Variants in SEL1L3 observed in about 807,000 individuals in gnomAD.
The protein encoded by SEL1L3 is protein sel-1 homolog 3.
SEL1L3 carries 76 observed loss-of-function variants against 142.8 expected under a neutral mutation model. The ratio of observed to expected loss-of-function variants is 0.53; its 90% CI spans 0.44 to 0.64. The LOEUF (loss-of-function observed/expected upper bound fraction) is 0.64. SEL1L3 is among the 30% of genes least tolerant of loss of function. The pLI is 0.00. For synonymous variants in SEL1L3, 504 were observed against 519.6 expected, an observed-to-expected ratio of 0.97 and a Z score of 0.41; for missense variants, 1,262 against 1,381.7, an observed-to-expected ratio of 0.91 and a Z score of 1.37.
intron 6 of SEL1L3, among the ~76,000 whole-genome samples, chr4:25,823,793 A>G (rs3796797): frequency 0.27 from 41,040 of 152,002 alleles, 6,539 homozygotes; most frequent in Admixed American, 0.35. Flanking sequence ...AAAGGGCCGG[A>G]GTGACGATGG....
chr4:25,722,565 C>T, the SEL1L3 span, among the ~76,000 whole-genome samples: 1 of 150,856 alleles, frequency 6.6e-6, no homozygotes, highest in Non-Finnish European at 1.5e-5. Flanking sequence ...TAAGGTAAGA[C>T]TTTTACTGAC....
the SEL1L3 span, among the ~76,000 whole-genome samples, chr4:25,721,338 G>A: frequency 4.6e-5 from 7 of 151,990 alleles, no homozygotes; most frequent in African/African-American, 1.7e-4. Flanking sequence ...CTGAAATAAT[G>A]AAGAGCTGTC....
In SEL1L3 at chr4:25,763,073, G is replaced by A. The variant is rs564243595; in HGVS notation, c.2955+2253C>T. The stretch of plus-strand genomic sequence containing the variant: ...CAAGGGAACATGAAGACATAAAGGA[G>A]TAAAACCCCTGCCATAGAATTGTCA... On this transcript the variant is annotated intron_variant, in intron 20 of 23. Transcript: ENST00000399878. 2.0e-5 allele frequency among the ~76,000 whole-genome samples: 3 copies of A among 151,498 alleles called. No individual in the cohort carries two copies. In the South Asian group the frequency reaches 6.2e-4, roughly 32 times the overall value.
chr4:25,818,380 T>C, intron 8 of SEL1L3, 102 bp from the exon 9 acceptor site: 1 of 1,043,918 alleles, frequency 9.6e-7, no homozygotes. Flanking sequence ...AGACTTGCCA[T>C]TACTGGATGT....
At chr4:25,825,419 G>A (rs1167375583) in intron 6 of SEL1L3, among the ~76,000 whole-genome samples, 1 of 152,138 alleles carries the variant, frequency 6.6e-6, no homozygotes, top group African/African-American at 2.4e-5. Flanking sequence ...GAAAACCCGA[G>A]ACATGCTGGC....
At chr4:25,800,330 T>C (rs1713089249) in intron 11 of SEL1L3, among the ~76,000 whole-genome samples, 1 of 152,228 alleles carries the variant, frequency 6.6e-6, no homozygotes, top group South Asian at 2.1e-4. Context: ...CTTAAGAAAA[T>C]GAGCTATGAC....
chr4:25,811,141 T>G (rs1713993261), intron 9 of SEL1L3, among the ~76,000 whole-genome samples: 2 of 152,064 alleles, frequency 1.3e-5, no homozygotes, highest in South Asian at 4.2e-4. Flanking sequence ...GGGTCCTGAA[T>G]TGGGTTTACA....
chr4:25,819,066 G>A (rs1357341843), intron 8 of SEL1L3, among the ~76,000 whole-genome samples: 1 of 152,172 alleles, frequency 6.6e-6, no homozygotes, highest in African/African-American at 2.4e-5. Context: ...AGGTCCCACA[G>A]GAATTTCTCT....
rs140317798 is a variant in SEL1L3 at position 25,753,176 on chromosome 4, A to G, written c.3259+4358T>C. On this transcript the variant is annotated intron_variant, in intron 23 of 23. Coordinates refer to ENST00000399878, the MANE Select transcript of SEL1L3 (RefSeq NM_015187.5). Reference sequence around the variant, plus strand: ...AGGACAATTTAATGTGGCAAATGCCATGATGTGTCAACTATATATCACAGA... The same window carrying G: ...AGGACAATTTAATGTGGCAAATGCCGTGATGTGTCAACTATATATCACAGA... 8.9e-4 allele frequency among the ~76,000 whole-genome samples: 135 copies of G among 152,370 alleles called. 1 individual carries two copies. Among genetic ancestry groups the G allele is most frequent in the African/African-American group, 2.7e-3 (112 of 41,588 alleles).
At chr4:25,745,436 A>C (rs550635192), downstream of SEL1L3, among the ~76,000 whole-genome samples, 1 of 151,624 alleles carries the variant, frequency 6.6e-6, no homozygotes, top group South Asian at 2.1e-4. Context: ...AATTGAGCAG[A>C]GTGAGAAGCT....
chr4:25,727,372 G>A, the SEL1L3 span, among the ~76,000 whole-genome samples: 1 of 151,886 alleles, frequency 6.6e-6, no homozygotes, highest in South Asian at 2.1e-4. Flanking sequence ...CTTCTAATAG[G>A]GCCATCCTGT....
intron 9 of SEL1L3, among the ~76,000 whole-genome samples, chr4:25,813,593 A>G (rs938126765): frequency 2.0e-5 from 3 of 152,126 alleles, no homozygotes; most frequent in African/African-American, 7.2e-5. Context: ...CTGAGTATGG[A>G]TTTTCAGTTT....
intron 16 of SEL1L3, 35 bp from the exon 17 acceptor site, chr4:25,776,395 C>T: frequency 2.1e-6 from 3 of 1,400,592 alleles, no homozygotes; most frequent in African/African-American, 2.8e-5. Context: ...ATACGCAAAC[C>T]ATGGCAAATT....
At chr4:25,727,836 A>G in the SEL1L3 span, among the ~76,000 whole-genome samples, 1 of 152,132 alleles carries the variant, frequency 6.6e-6, no homozygotes, top group Admixed American at 6.5e-5. Flanking sequence ...GGTGCCTGTC[A>G]TGGCTAATTA....
rs35795408 is a variant in SEL1L3 at position 25,830,056 on chromosome 4, G to A, written c.1157+42C>T. Reference sequence around the variant, plus strand: ...CTAAAGTATGAAGATTCCTTAACTCGCATGCAGGCAAATTTTGAATAAAAA... The same window carrying A: ...CTAAAGTATGAAGATTCCTTAACTCACATGCAGGCAAATTTTGAATAAAAA... On this transcript the variant is annotated intron_variant, in intron 6 of 23. Transcript: ENST00000399878. 0.12 allele frequency: 153,947 copies of A among 1,315,132 alleles called. 9,903 individuals carry two copies. Among genetic ancestry groups the A allele is most frequent in the South Asian group, 0.19 (15,536 of 82,640 alleles). The allele number at this position is 1,315,132 out of a possible 1,614,324, so 81.5% of individuals were successfully genotyped here. A position where few individuals can be genotyped will look rare whatever the true frequency, so the allele number is the denominator to read the frequency against.
chr4:25,764,216 A>G (rs1707535427), intron 20 of SEL1L3, among the ~76,000 whole-genome samples: 1 of 152,226 alleles, frequency 6.6e-6, no homozygotes, highest in African/African-American at 2.4e-5. Context: ...AAGAGTCATG[A>G]AGATGAGAAA....
At chr4:25,725,030 C>T in the SEL1L3 span, among the ~76,000 whole-genome samples, 1 of 152,098 alleles carries the variant, frequency 6.6e-6, no homozygotes, top group African/African-American at 2.4e-5. Context: ...AGCCCCTGTG[C>T]ACATGCTAGT....
In SEL1L3 at chr4:25,789,970, T is replaced by C. The variant is rs114535884; in HGVS notation, c.2076+485A>G. Among the ~76,000 whole-genome samples, 1,001 of 152,342 alleles carry C rather than the reference T, an allele frequency of 6.6e-3. 10 individuals carry two copies. Among genetic ancestry groups the C allele is most frequent in the African/African-American group, 0.021 (888 of 41,564 alleles). ...CCAACAAGCCATAAATGACTTTCTA[T>C]TGCTCTCCTAGCTGAGTTCATGGTC... On this transcript the variant is annotated intron_variant, in intron 12 of 23. Transcript: ENST00000399878.
At chr4:25,776,683 CTTA>C (rs1719656163) in intron 16 of SEL1L3, 1 of 190,518 alleles carries the variant, frequency 5.2e-6, no homozygotes, top group African/African-American at 2.4e-5. Flanking sequence ...TGTTTACTGA[CTTA>C]TTATTAGCTT....
Sources: gnomAD v4.1 joint callset for allele counts (sites outside exome capture counted in the v4.1 genomes callset) on GRCh38, gnomAD v4.1.1 for gene constraint, MANE v1.5 for transcripts, NCBI Gene and HGNC (gene_info 2026-07-23, HGNC 2026-07-21) for gene names.